Variants in NKAIN3 observed in about 807,000 individuals in gnomAD.
NKAIN3 encodes the protein sodium/potassium transporting ATPase interacting 3, also known as sodium/potassium-transporting ATPase subunit beta-1-interacting protein 3.
In NKAIN3, 25 loss-of-function variants were observed where a neutral mutation model predicts 30.2. The ratio of observed to expected loss-of-function variants is 0.83; its 90% CI spans 0.60 to 1.16. The LOEUF (loss-of-function observed/expected upper bound fraction) is 1.16, where lower values mean the gene tolerates loss of function less well. Among genes scored for constraint, NKAIN3 ranks in the 50% most tolerant of loss-of-function variants. The pLI is 0.00. For synonymous variants in NKAIN3, 91 were observed against 89.6 expected (o/e 1.02, Z -0.09); for missense variants, 225 against 254.1 (o/e 0.89, Z 0.78).
At chr8:62,540,225 T>C (rs960857125) in intron 1 of NKAIN3, among the ~76,000 whole-genome samples, 1 of 152,184 alleles carries the variant, frequency 6.6e-6, no homozygotes, top group Non-Finnish European at 1.5e-5. Flanking sequence ...CACTCAAAAA[T>C]GTGCTTTAGC....
intron 4 of NKAIN3, among the ~76,000 whole-genome samples, chr8:62,858,723 A>G (rs1820140960): frequency 6.6e-6 from 1 of 152,196 alleles, no homozygotes; most frequent in Non-Finnish European, 1.5e-5. Context: ...GGAACAGCTG[A>G]GTCAACCAAA....
chr8:62,529,527 G>T (rs1264732107), intron 1 of NKAIN3, among the ~76,000 whole-genome samples: 1 of 152,042 alleles, frequency 6.6e-6, no homozygotes, highest in African/African-American at 2.4e-5. Flanking sequence ...CCTTGTAAAA[G>T]ATATCCAGAG....
At chr8:62,604,976 A>G (rs552165435) in intron 3 of NKAIN3, among the ~76,000 whole-genome samples, 1 of 152,086 alleles carries the variant, frequency 6.6e-6, no homozygotes, top group Non-Finnish European at 1.5e-5. Context: ...TGGCAGGGCT[A>G]AAAAGCTCTA....
intron 3 of NKAIN3, among the ~76,000 whole-genome samples, chr8:62,652,238 C>G (rs1052084056): frequency 1.3e-5 from 2 of 152,156 alleles, no homozygotes; most frequent in African/African-American, 4.8e-5. Flanking sequence ...TTTAAGAGAA[C>G]TATTACTTGG....
chr8:62,769,731 A>G (rs755300084), intron 4 of NKAIN3, among the ~76,000 whole-genome samples: 1 of 152,230 alleles, frequency 6.6e-6, no homozygotes, highest in Non-Finnish European at 1.5e-5. Flanking sequence ...CTTCTCTATC[A>G]TTAAACCCAA....
chr8:62,807,947 A>G (rs896702239), intron 4 of NKAIN3, among the ~76,000 whole-genome samples: 1 of 151,972 alleles, frequency 6.6e-6, no homozygotes, highest in African/African-American at 2.4e-5. Flanking sequence ...TGGAATAGTT[A>G]TTAATAAAAA....
intron 1 of NKAIN3, among the ~76,000 whole-genome samples, chr8:62,408,003 G>T (rs372907017): frequency 2.0e-5 from 3 of 152,164 alleles, no homozygotes; most frequent in African/African-American, 7.2e-5. Flanking sequence ...AGCACTCTAC[G>T]CTGGGTAACA....
intron 4 of NKAIN3, among the ~76,000 whole-genome samples, chr8:62,783,680 T>C (rs1299618861): frequency 6.6e-6 from 1 of 150,868 alleles, no homozygotes; most frequent in Non-Finnish European, 1.5e-5. Context: ...GCAAGATCTC[T>C]GCTCACTGCA....
At position 62,976,550 on chromosome 8, in the gene NKAIN3, C is replaced by T. The variant is rs983169362; in HGVS notation, c.*11143C>T. Among the ~76,000 whole-genome samples the T allele has an allele frequency of 1.3e-5, 2 of 152,132 alleles. No homozygotes were observed. The highest frequency in any genetic ancestry group is 4.8e-5 in the African/African-American group (2 of 41,422). ...TCCATTTGCCTGGTAAATATCTCTC[C>T]ATCCTTTTATTTTGAGCCTATGTGT... On this transcript the variant is annotated 3_prime_UTR_variant, in exon 7 of 7. Transcript: ENST00000623646.
chr8:62,801,452 G>C (rs972288130), intron 4 of NKAIN3, among the ~76,000 whole-genome samples: 1 of 152,150 alleles, frequency 6.6e-6, no homozygotes, highest in Admixed American at 6.5e-5. Flanking sequence ...AGCAGCATTC[G>C]CAGTTCATGA....
chr8:62,751,814 CTG>C (rs3032932), intron 4 of NKAIN3, among the ~76,000 whole-genome samples: 21,728 of 146,276 alleles, frequency 0.15, 2,118 homozygotes, highest in African/African-American at 0.29. Context: ...TACTAAAAAA[CTG>C]TGTGTGTGTG....
chr8:62,458,363 G>T (rs1389695272), intron 1 of NKAIN3, among the ~76,000 whole-genome samples: 2 of 152,186 alleles, frequency 1.3e-5, no homozygotes, highest in African/African-American at 4.8e-5. Flanking sequence ...CAAGAAAGTG[G>T]TAAGGCATTT....
chr8:62,729,035 A>AAAAAAAAAAAAAAC (rs1344781585), intron 3 of NKAIN3, among the ~76,000 whole-genome samples: 8 of 110,240 alleles, frequency 7.3e-5, no homozygotes, highest in African/African-American at 3.4e-4. Flanking sequence ...AAAAAAAAAA[A>AAAAAAAAAAAAAAC]AAAACAAAAA....
chr8:62,996,607 G>C (rs950948762), intron 5 of NKAIN3, among the ~76,000 whole-genome samples: 2 of 151,946 alleles, frequency 1.3e-5, no homozygotes, highest in Admixed American at 1.3e-4. Context: ...CTGAGACAAG[G>C]TATGTCCCTT....
At chr8:62,295,681 G>A (rs1813803379) in intron 1 of NKAIN3, among the ~76,000 whole-genome samples, 1 of 152,096 alleles carries the variant, frequency 6.6e-6, no homozygotes. Context: ...AGAAAATCCT[G>A]TTTGTTGGAT....
intron 3 of NKAIN3, among the ~76,000 whole-genome samples, chr8:62,603,142 A>G (rs1036863470): frequency 3.9e-5 from 6 of 152,154 alleles, no homozygotes; most frequent in African/African-American, 1.4e-4. Flanking sequence ...TATAAGTGAC[A>G]TTAAGATTTG....
At chr8:62,838,124 C>CCGCT (rs1192026943) in intron 4 of NKAIN3, among the ~76,000 whole-genome samples, 1 of 99,790 alleles carries the variant, frequency 1.0e-5, no homozygotes, top group Non-Finnish European at 2.1e-5. Context: ...CTGAACAATA[C>CCGCT]CGCTCTGTGT....
intron 4 of NKAIN3, chr8:62,864,126 G>C (rs1019335444): frequency 8.1e-6 from 5 of 619,136 alleles, no homozygotes; most frequent in East Asian, 2.7e-5. Context: ...CGGAGGTGAT[G>C]GCGACGCGAG....
At chr8:62,463,354 G>A (rs796561925) in intron 1 of NKAIN3, among the ~76,000 whole-genome samples, 9 of 152,214 alleles carry the variant, frequency 5.9e-5, no homozygotes, top group African/African-American at 2.2e-4. Context: ...ATTCACCTTG[G>A]AATGCACAGG....
Sources: gnomAD v4.1 joint callset for allele counts (sites outside exome capture counted in the v4.1 genomes callset) on GRCh38, gnomAD v4.1.1 for gene constraint, MANE v1.5 for transcripts, NCBI Gene and HGNC (gene_info 2026-07-23, HGNC 2026-07-21) for gene names.